DCC: variants seen among roughly 807,000 people sequenced by gnomAD.
DCC encodes netrin receptor DCC.
A neutral mutation model predicts 172.5 loss-of-function variants in DCC; 58 were observed. That is an observed-to-expected ratio of 0.34 (90% CI 0.27 to 0.42). DCC has a LOEUF of 0.42. Ranked by LOEUF, DCC falls within the 10% of genes least tolerant of loss-of-function variation. DCC has a pLI of 1.00. For synonymous variants in DCC, 709 were observed against 644.5 expected (o/e 1.10, Z -1.52); for missense variants, 1,740 against 1,791.0 (o/e 0.97, Z 0.51).
chr18:52,949,278 T>C (rs761023909), intron 5 of DCC, among the ~76,000 whole-genome samples: 13 of 152,284 alleles, frequency 8.5e-5, no homozygotes, highest in Non-Finnish European at 1.3e-4. Context: ...GAAGAGTTCT[T>C]GACTCTGAAG....
intron 7 of DCC, among the ~76,000 whole-genome samples, chr18:53,085,969 T>C (rs1169434167): frequency 2.1e-4 from 14 of 66,616 alleles, no homozygotes; most frequent in Non-Finnish European, 2.8e-5. Flanking sequence ...CTTCTTCTTC[T>C]TCTTCTTCTT....
intron 7 of DCC, among the ~76,000 whole-genome samples, chr18:53,103,811 A>G (rs1467751748): frequency 6.6e-6 from 1 of 152,008 alleles, no homozygotes; most frequent in African/African-American, 2.4e-5. Context: ...AAATATTCTC[A>G]GTAGGAAAAG....
chr18:52,855,442 AT>A (rs2039036780), intron 2 of DCC, among the ~76,000 whole-genome samples: 2 of 152,228 alleles, frequency 1.3e-5, no homozygotes, highest in Non-Finnish European at 2.9e-5. Flanking sequence ...TGCTGTTTTA[AT>A]TAATAACATA....
At chr18:52,472,010 C>T (rs1260363496) in intron 1 of DCC, among the ~76,000 whole-genome samples, 2 of 152,134 alleles carry the variant, frequency 1.3e-5, no homozygotes, top group African/African-American at 4.8e-5. Context: ...TTCTTGAAGT[C>T]CTCCAGAAGT....
chr18:53,037,302 A>C (rs1599053736), intron 5 of DCC, among the ~76,000 whole-genome samples: 1 of 152,160 alleles, frequency 6.6e-6, no homozygotes, highest in Admixed American at 6.6e-5. Context: ...TAGTTGAAGA[A>C]GATAGCTTAA....
chr18:53,526,658 G>T lies in DCC; in HGVS notation c.4153G>T (p.Gly1385Trp), dbSNP rs1190038930. The change falls in exon 28 of 29, where the codon GGG (glycine) becomes TGG (tryptophan). Residue 1385 changes from glycine (G) to tryptophan (W), a missense_variant. Physicochemically the swap from Gly to Trp is radical, Grantham distance 184. This residue lies in a region of DCC where 1,732 missense variants were observed against 1,767.4 expected (regional missense o/e 0.98). Transcript: ENST00000442544. ...PKTHVKTASL[G>W]LAGKARSPLL... Reference sequence around the variant, plus strand: ...GACCCATGTGAAAACAGCCTCCCTTGGGTTGGCTGGAAAAGCAAGATCCCC... The same window carrying T: ...GACCCATGTGAAAACAGCCTCCCTTTGGTTGGCTGGAAAAGCAAGATCCCC... 6.2e-7 allele frequency: 1 copy of T among 1,613,372 alleles called. No individual in the cohort carries two copies.
intron 1 of DCC, among the ~76,000 whole-genome samples, chr18:52,343,649 A>G (rs1336530510): frequency 2.0e-5 from 3 of 152,244 alleles, no homozygotes; most frequent in Non-Finnish European, 4.4e-5. Context: ...AGATAAGATA[A>G]CAATTTTGGA....
chr18:52,513,403 C>T (rs1470619550), intron 1 of DCC, among the ~76,000 whole-genome samples: 1 of 133,268 alleles, frequency 7.5e-6, no homozygotes, highest in Non-Finnish European at 1.7e-5. Flanking sequence ...AAAGTTAATA[C>T]TGGTACCCAC....
intron 9 of DCC, among the ~76,000 whole-genome samples, chr18:53,181,270 A>G (rs2055191953): frequency 1.3e-5 from 2 of 152,254 alleles, no homozygotes; most frequent in Middle Eastern, 3.4e-3. Flanking sequence ...ACTAGTCATG[A>G]TTACATTGCA....
chr18:53,033,199 G>A (rs1450609335), intron 5 of DCC, among the ~76,000 whole-genome samples: 1 of 152,092 alleles, frequency 6.6e-6, no homozygotes, highest in Non-Finnish European at 1.5e-5. Context: ...AAAACCCCAA[G>A]CATGCCATGG....
rs1303022889 is a variant in DCC at position 52,340,729 on chromosome 18, C to T, written c.-59C>T. 3 of 1,196,612 alleles carry T rather than the reference C, an allele frequency of 2.5e-6. No homozygotes were observed. Among genetic ancestry groups the T allele is most frequent in the Non-Finnish European group, 3.8e-6 (3 of 799,796 alleles). 74.1% of individuals were successfully genotyped at this position (1,196,612 alleles called of 1,614,324 possible). A position where few individuals can be genotyped will look rare whatever the true frequency, so the allele number is the denominator to read the frequency against. ...GCATGTGTGCATGCGTGTGTGAGTG[C>T]ATGTGTGTGAGTGCTGCCGCTGCCC... On this transcript the variant is annotated 5_prime_UTR_variant, in exon 1 of 29. Transcript: ENST00000442544.
intron 9 of DCC, among the ~76,000 whole-genome samples, chr18:53,180,242 A>G (rs1316004323): frequency 1.3e-5 from 2 of 152,202 alleles, no homozygotes; most frequent in African/African-American, 4.8e-5. Context: ...CTACAGAGAC[A>G]AGATGATAAC....
At chr18:52,643,650 T>TC (rs2034955310) in intron 1 of DCC, among the ~76,000 whole-genome samples, 1 of 152,206 alleles carries the variant, frequency 6.6e-6, no homozygotes, top group Non-Finnish European at 1.5e-5. Context: ...AAAGGACCAG[T>TC]CTGTGCCATG....
intron 5 of DCC, among the ~76,000 whole-genome samples, chr18:53,033,637 T>C (rs2042054366): frequency 6.6e-6 from 1 of 152,122 alleles, no homozygotes; most frequent in South Asian, 2.1e-4. Context: ...GTCTTCTGTC[T>C]CTCCTGCATC....
intron 9 of DCC, among the ~76,000 whole-genome samples, chr18:53,203,155 A>G (rs994218904): frequency 2.0e-5 from 3 of 151,176 alleles, no homozygotes; most frequent in Non-Finnish European, 2.9e-5. Context: ...TTTAGGATTA[A>G]GGAGAAATGA....
At chr18:52,397,146 C>A (rs1328756819) in intron 1 of DCC, among the ~76,000 whole-genome samples, 2 of 151,936 alleles carry the variant, frequency 1.3e-5, no homozygotes, top group African/African-American at 4.8e-5. Flanking sequence ...TAGTGATTCT[C>A]AAACTTGTGC....
intron 19 of DCC, among the ~76,000 whole-genome samples, chr18:53,404,737 A>T (rs1407692397): frequency 2.2e-5 from 2 of 90,192 alleles, no homozygotes; most frequent in Admixed American, 1.0e-4. Flanking sequence ...TCTCAAAAAT[A>T]AAAAAATAAA....
chr18:53,207,891 A>G, intron 11 of DCC, 74 bp downstream of exon 11: 1 of 1,333,922 alleles, frequency 7.5e-7, no homozygotes, highest in South Asian at 1.2e-5. Flanking sequence ...TATTGCACAT[A>G]TATCATATAT....
In DCC at chr18:53,428,525, A is replaced by G. The variant is rs1451037051; in HGVS notation, c.3164-6619A>G. Among the ~76,000 whole-genome samples, 3 of 55,902 alleles carry G rather than the reference A, an allele frequency of 5.4e-5. 1 individual carries two copies. The highest frequency in any genetic ancestry group is 1.1e-4 in the Non-Finnish European group (3 of 28,488). The allele number at this position is 55,902 out of a possible 152,430, so 36.7% of individuals were successfully genotyped here. A position where few individuals can be genotyped will look rare whatever the true frequency, so the allele number is the denominator to read the frequency against. Reference sequence around the variant, plus strand: ...ATTGTATATTTTATATATTTTATATATTTATGTATTTTATATATATATAAA... The same window carrying G: ...ATTGTATATTTTATATATTTTATATGTTTATGTATTTTATATATATATAAA... On this transcript the variant is annotated intron_variant, in intron 21 of 28. Coordinates refer to ENST00000442544, the MANE Select transcript of DCC (RefSeq NM_005215.4).
Sources: allele counts gnomAD v4.1 joint callset (sites outside exome capture counted in the v4.1 genomes callset), GRCh38; gene constraint gnomAD v4.1.1; regional missense constraint gnomAD v4.1.1; transcripts MANE v1.5; gene names NCBI Gene and HGNC (gene_info 2026-07-23, HGNC 2026-07-21).